ADAMTS12: variants seen among roughly 807,000 people sequenced by gnomAD.
ADAMTS12 encodes the protein ADAM metallopeptidase with thrombospondin type 1 motif 12.
In ADAMTS12, 118 loss-of-function variants were observed where a neutral mutation model predicts 167.8. That is an observed-to-expected ratio of 0.70 (90% CI 0.61 to 0.82). ADAMTS12 has a LOEUF of 0.82. ADAMTS12 is among the 40% of genes least tolerant of loss of function. The probability of loss-of-function intolerance (pLI) is 0.00; values close to 1 mark genes in which losing one functional copy is unlikely to be tolerated. For synonymous variants in ADAMTS12, 704 were observed against 716.9 expected (o/e 0.98, Z 0.29); for missense variants, 1,916 against 1,998.8 (o/e 0.96, Z 0.79).
chr5:33,654,484 A>C (rs1300332718), intron 7 of ADAMTS12, among the ~76,000 whole-genome samples: 6 of 152,166 alleles, frequency 3.9e-5, no homozygotes, highest in African/African-American at 1.4e-4. Context: ...CCAAGCCTCT[A>C]TAGGTACCTG....
At chr5:33,886,153 TAA>T (rs980204192) in intron 1 of ADAMTS12, among the ~76,000 whole-genome samples, 2 of 152,246 alleles carry the variant, frequency 1.3e-5, no homozygotes. Flanking sequence ...AGTGAAAGAC[TAA>T]AGTTTGCCTA....
chr5:33,569,641 G>A (rs6888642), intron 19 of ADAMTS12, among the ~76,000 whole-genome samples: 22,956 of 152,060 alleles, frequency 0.15, 1,840 homozygotes, highest in East Asian at 0.18. Context: ...CCACAAAGAT[G>A]GGGAAAAAAC....
chr5:33,596,159 C>T (rs1171621943), intron 16 of ADAMTS12, 99 bp from the exon 17 acceptor site: 1 of 1,445,032 alleles, frequency 6.9e-7, no homozygotes, highest in African/African-American at 1.4e-5. Flanking sequence ...ATGCTGACGG[C>T]TGATGGGAAA....
At chr5:33,584,155 C>T (rs1013712798) in intron 18 of ADAMTS12, among the ~76,000 whole-genome samples, 1 of 152,078 alleles carries the variant, frequency 6.6e-6, no homozygotes, top group Admixed American at 6.6e-5. Flanking sequence ...GCCTCAGTTT[C>T]TTCACTTGTA....
rs1743712247 is a variant in ADAMTS12, at chr5:33,524,379, C to T, written c.*2809G>A. ...TACTACTGTGAAAGACAACGTAAAC[C>T]AAACTGGGTTTTAGAACGTTAATGT... On this transcript the variant is annotated 3_prime_UTR_variant, in exon 24 of 24. Coordinates refer to ENST00000504830, the MANE Select transcript of ADAMTS12 (RefSeq NM_030955.4). 6.6e-6 allele frequency: 1 copy of T among 152,142 alleles called. No individual in the cohort carries two copies. The highest frequency in any genetic ancestry group is 2.4e-5 in the African/African-American group (1 of 41,424). The allele number at this position is 152,142 out of a possible 1,614,324, so 9.4% of individuals were successfully genotyped here.
chr5:33,847,280 C>T (rs1285818423), intron 2 of ADAMTS12, among the ~76,000 whole-genome samples: 1 of 152,138 alleles, frequency 6.6e-6, no homozygotes, highest in African/African-American at 2.4e-5. Flanking sequence ...CACCTTCATG[C>T]AAGCCTGGCC....
chr5:33,639,405 C>T (rs1235492315), intron 11 of ADAMTS12, among the ~76,000 whole-genome samples: 1 of 151,984 alleles, frequency 6.6e-6, no homozygotes, highest in Non-Finnish European at 1.5e-5. Context: ...ATTATGTATC[C>T]CAGACTGAAA....
At chr5:33,838,281 A>G (rs1355743316) in intron 2 of ADAMTS12, among the ~76,000 whole-genome samples, 1 of 152,258 alleles carries the variant, frequency 6.6e-6, no homozygotes, top group East Asian at 1.9e-4. Context: ...GGCAGATTCA[A>G]TGGTGTCAAA....
intron 3 of ADAMTS12, among the ~76,000 whole-genome samples, chr5:33,743,584 A>G (rs1192541203): frequency 1.3e-5 from 2 of 152,060 alleles, no homozygotes; most frequent in Non-Finnish European, 2.9e-5. Flanking sequence ...CTGCTTCAAT[A>G]TTTTGTTCAC....
chr5:33,568,981 C>G (rs572521895), intron 19 of ADAMTS12, among the ~76,000 whole-genome samples: 96 of 152,362 alleles, frequency 6.3e-4, no homozygotes, highest in African/African-American at 2.2e-3. Context: ...CCCACGGAGT[C>G]TCGCTGATTG....
chr5:33,773,961 T>A (rs987864020), intron 2 of ADAMTS12, among the ~76,000 whole-genome samples: 1 of 152,258 alleles, frequency 6.6e-6, no homozygotes, highest in Admixed American at 6.5e-5. Context: ...CACACTGCCA[T>A]CCGCCTCACC....
At chr5:33,826,476 A>G (rs1748074195) in intron 2 of ADAMTS12, among the ~76,000 whole-genome samples, 1 of 152,138 alleles carries the variant, frequency 6.6e-6, no homozygotes, top group Admixed American at 6.5e-5. Context: ...ACATGTATGT[A>G]TGAATGTATG....
intron 2 of ADAMTS12, among the ~76,000 whole-genome samples, chr5:33,832,566 T>TA (rs1748340156): frequency 1.3e-5 from 2 of 152,202 alleles, no homozygotes; most frequent in South Asian, 4.1e-4. Context: ...GTAAATGTGT[T>TA]AGACATTAAA....
At chr5:33,584,682 C>T (rs1027343899) in intron 18 of ADAMTS12, among the ~76,000 whole-genome samples, 6 of 152,158 alleles carry the variant, frequency 3.9e-5, no homozygotes, top group Non-Finnish European at 5.9e-5. Context: ...TTACAATAAT[C>T]CTATCTTTCT....
chr5:33,728,891 T>C (rs1744077004), intron 3 of ADAMTS12, among the ~76,000 whole-genome samples: 1 of 152,390 alleles, frequency 6.6e-6, no homozygotes, highest in East Asian at 1.9e-4. Context: ...ATGTATCATA[T>C]GCATATATGC....
At chr5:33,758,319 CCAGA>C (rs961623528) in intron 2 of ADAMTS12, among the ~76,000 whole-genome samples, 15 of 152,220 alleles carry the variant, frequency 9.9e-5, no homozygotes, top group African/African-American at 3.6e-4. Context: ...TGCTGCCCAC[CCAGA>C]CAGATGGGAG....
intron 2 of ADAMTS12, among the ~76,000 whole-genome samples, chr5:33,760,912 TGTGTGTGTGC>T (rs1745330641): frequency 6.6e-6 from 1 of 151,330 alleles, no homozygotes; most frequent in African/African-American, 2.5e-5. Flanking sequence ...TGTGTGTGTG[TGTGTGTGTGC>T]GTATGCGCTT....
chr5:33,794,411 T>C (rs1417104348), intron 2 of ADAMTS12, among the ~76,000 whole-genome samples: 1 of 151,926 alleles, frequency 6.6e-6, no homozygotes, highest in Non-Finnish European at 1.5e-5. Context: ...AGAGTGGAGG[T>C]TGCGCAAGCA....
At chr5:33,704,633 A>G (rs1410181094) in intron 3 of ADAMTS12, among the ~76,000 whole-genome samples, 1 of 152,144 alleles carries the variant, frequency 6.6e-6, no homozygotes, top group Non-Finnish European at 1.5e-5. Context: ...CCTGATGGCC[A>G]TTTATATGCC....
Sources: gnomAD v4.1 joint callset for allele counts (sites outside exome capture counted in the v4.1 genomes callset) on GRCh38, gnomAD v4.1.1 for gene constraint, MANE v1.5 for transcripts, NCBI Gene and HGNC (gene_info 2026-07-23, HGNC 2026-07-21) for gene names.